Variants in RBMS3 observed in about 807,000 individuals in gnomAD.
RBMS3 encodes the protein RNA-binding motif, single-stranded-interacting protein 3.
A neutral mutation model predicts 66.8 loss-of-function variants in RBMS3; 27 were observed. That is an observed-to-expected ratio of 0.40 (90% confidence interval 0.30 to 0.56). The LOEUF is 0.56. Ranked by LOEUF, RBMS3 falls within the 20% of genes least tolerant of loss-of-function variation. The pLI, the probability that RBMS3 is intolerant of heterozygous loss-of-function variation, is 0.40. For synonymous variants in RBMS3, 188 were observed against 183.0 expected, an observed-to-expected ratio of 1.03 and a Z score of -0.22; for missense variants, 513 against 549.5, an observed-to-expected ratio of 0.93 and a Z score of 0.66.
chr3:29,421,029 C>A (rs1032230692), intron 1 of RBMS3, among the ~76,000 whole-genome samples: 2 of 151,482 alleles, frequency 1.3e-5, no homozygotes, highest in African/African-American at 4.8e-5. Flanking sequence ...AGGAGAATGG[C>A]ATGAACCTGG....
chr3:29,734,570 A>G (rs949984877), intron 4 of RBMS3, among the ~76,000 whole-genome samples: 2 of 152,082 alleles, frequency 1.3e-5, no homozygotes, highest in Non-Finnish European at 2.9e-5. Context: ...AGGGTTCGAT[A>G]GTATATAAAG....
intron 10 of RBMS3, among the ~76,000 whole-genome samples, chr3:29,904,302 T>A (rs762285856): frequency 2.0e-5 from 3 of 152,040 alleles, no homozygotes; most frequent in Non-Finnish European, 4.4e-5. Flanking sequence ...AAATACACAT[T>A]GTAAACAAAA....
intron 4 of RBMS3, among the ~76,000 whole-genome samples, chr3:29,714,701 G>C (rs2053315721): frequency 6.6e-6 from 1 of 151,810 alleles, no homozygotes; most frequent in African/African-American, 2.4e-5. Context: ...GTAGGATTAG[G>C]TTGTAGAAAA....
chr3:29,349,284 G>A lies in RBMS3; in HGVS notation c.75+67528G>A, dbSNP rs9863801. On this transcript the variant is annotated intron_variant, in intron 1 of 14. Coordinates refer to ENST00000383767, the MANE Select transcript of RBMS3 (RefSeq NM_001003793.3). Reference sequence around the variant, plus strand: ...GACAGGAGACAAAAAAGCTACAGTCGTACTCTCTCTATTCCTCTGTAACCC... The same window carrying A: ...GACAGGAGACAAAAAAGCTACAGTCATACTCTCTCTATTCCTCTGTAACCC... Among the ~76,000 whole-genome samples, 5 of 152,054 alleles carry A rather than the reference G, an allele frequency of 3.3e-5. No homozygotes were observed. The South Asian group carries it at 6.2e-4, about 19-fold the overall frequency.
chr3:29,632,357 G>A (rs564674293), intron 4 of RBMS3, among the ~76,000 whole-genome samples: 76 of 152,036 alleles, frequency 5.0e-4, no homozygotes, highest in African/African-American at 1.7e-3. Context: ...AGGGGGAGAA[G>A]AGAGTAGGAG....
At chr3:29,789,947 T>G (rs906014879) in intron 6 of RBMS3, among the ~76,000 whole-genome samples, 4 of 152,180 alleles carry the variant, frequency 2.6e-5, no homozygotes, top group African/African-American at 9.7e-5. Flanking sequence ...AGTGTGGCTT[T>G]AAGTCACTTC....
intron 7 of RBMS3, among the ~76,000 whole-genome samples, chr3:29,870,477 TATA>T (rs1159338620): frequency 6.6e-6 from 1 of 152,178 alleles, no homozygotes; most frequent in Non-Finnish European, 1.5e-5. Context: ...CTTAAGGAAC[TATA>T]ATATTACCTT....
chr3:29,537,984 G>A (rs2045635292), intron 3 of RBMS3, among the ~76,000 whole-genome samples: 1 of 151,952 alleles, frequency 6.6e-6, no homozygotes, highest in Non-Finnish European at 1.5e-5. Flanking sequence ...ATATATTTAA[G>A]TTTTGCAAAA....
chr3:29,800,819 T>C (rs2057365571), intron 6 of RBMS3, among the ~76,000 whole-genome samples: 1 of 151,882 alleles, frequency 6.6e-6, no homozygotes. Context: ...AACACACATT[T>C]TTTTTCCATA....
chr3:29,577,440 C>T (rs1182130048), intron 3 of RBMS3, among the ~76,000 whole-genome samples: 1 of 152,172 alleles, frequency 6.6e-6, no homozygotes, highest in Non-Finnish European at 1.5e-5. Context: ...GCCATGCCAC[C>T]CTAGTCCTCT....
chr3:29,505,254 T>G (rs1229200636), intron 3 of RBMS3, among the ~76,000 whole-genome samples: 2 of 152,016 alleles, frequency 1.3e-5, no homozygotes, highest in Non-Finnish European at 2.9e-5. Flanking sequence ...AATAAAGGTC[T>G]AATTTCATTC....
chr3:29,484,678 G>A (rs2043257065), intron 2 of RBMS3, among the ~76,000 whole-genome samples: 1 of 152,192 alleles, frequency 6.6e-6, no homozygotes, highest in South Asian at 2.1e-4. Context: ...TTGTAAACTT[G>A]TAGGTGAAAC....
chr3:29,721,870 T>C (rs577701702), intron 4 of RBMS3, among the ~76,000 whole-genome samples: 1 of 152,312 alleles, frequency 6.6e-6, no homozygotes, highest in East Asian at 1.9e-4. Context: ...TGAATGTCCA[T>C]CTTCATTCTC....
chr3:29,310,970 C>T (rs537849219), intron 1 of RBMS3, among the ~76,000 whole-genome samples: 7 of 151,868 alleles, frequency 4.6e-5, no homozygotes, highest in Non-Finnish European at 8.8e-5. Flanking sequence ...TTAGTCTGCA[C>T]AGTCCAACTC....
intron 1 of RBMS3, among the ~76,000 whole-genome samples, chr3:29,330,969 C>T (rs2035617567): frequency 6.6e-6 from 1 of 152,102 alleles, no homozygotes; most frequent in African/African-American, 2.4e-5. Flanking sequence ...TTCCTGCATG[C>T]TCTAATTGTA....
chr3:29,590,522 A>G (rs567764972), intron 4 of RBMS3, among the ~76,000 whole-genome samples: 1 of 152,128 alleles, frequency 6.6e-6, no homozygotes, highest in African/African-American at 2.4e-5. Context: ...TTTATTGCCT[A>G]CTCTGTCTAG....
At chr3:29,707,511 C>T (rs1156830943) in intron 4 of RBMS3, among the ~76,000 whole-genome samples, 2 of 152,108 alleles carry the variant, frequency 1.3e-5, no homozygotes, top group Non-Finnish European at 2.9e-5. Context: ...GGGTTATCAC[C>T]GTCTTTACTA....
intron 4 of RBMS3, chr3:29,698,607 C>T: frequency 1.0e-6 from 1 of 985,110 alleles, no homozygotes; most frequent in Non-Finnish European, 1.2e-6. Flanking sequence ...TCTACCAAAA[C>T]ACGAAGGACA....
intron 6 of RBMS3, among the ~76,000 whole-genome samples, chr3:29,822,513 T>G (rs1204935104): frequency 4.6e-5 from 7 of 152,222 alleles, no homozygotes; most frequent in African/African-American, 1.2e-4. Flanking sequence ...TCTAGCAATG[T>G]CAGATTTGGA....
Sources: gnomAD v4.1 joint callset for allele counts (sites outside exome capture counted in the v4.1 genomes callset) on GRCh38, gnomAD v4.1.1 for gene constraint, MANE v1.5 for transcripts, NCBI Gene and HGNC (gene_info 2026-07-23, HGNC 2026-07-21) for gene names.